The following UGT1A4 variants were observed in gnomAD, a reference collection of about 807,000 sequenced individuals.
The protein encoded by UGT1A4 is UDP glucuronosyltransferase family 1 member A4.
UGT1A4 carries 32 observed loss-of-function variants against 41.1 expected under a neutral mutation model. The ratio of observed to expected loss-of-function variants is 0.78; its 90% CI spans 0.59 to 1.05. The LOEUF (loss-of-function observed/expected upper bound fraction) is 1.05, where lower values mean the gene tolerates loss of function less well. UGT1A4 is among the 50% of genes least tolerant of loss of function. The pLI is 0.00. For missense variants in UGT1A4, 748 were observed against 677.4 expected (o/e 1.10, Z -1.16); for synonymous variants, 283 against 265.1 (o/e 1.07, Z -0.66).
chr2:233,719,788 G>A, intron 1 of UGT1A4, 101 bp downstream of exon 1: 1 of 1,609,458 alleles, frequency 6.2e-7, no homozygotes, highest in Non-Finnish European at 8.5e-7. Flanking sequence ...TCTTTCCAAA[G>A]ATTTTATTTT....
At chr2:233,766,480 T>C (rs1299744322) in intron 1 of UGT1A4, among the ~76,000 whole-genome samples, 1 of 152,128 alleles carries the variant, frequency 6.6e-6, no homozygotes, top group African/African-American at 2.4e-5. Flanking sequence ...AGGCACATGA[T>C]GGGGGCGTGG....
intron 1 of UGT1A4, among the ~76,000 whole-genome samples, chr2:233,766,177 G>A (rs937937765): frequency 5.3e-5 from 8 of 152,156 alleles, no homozygotes; most frequent in African/African-American, 1.9e-4. Context: ...AGGATTTATT[G>A]AGTGGATGTA....
chr2:233,760,681 CACA>C (rs1697528171), intron 1 of UGT1A4: 4 of 1,614,246 alleles, frequency 2.5e-6, no homozygotes, highest in East Asian at 2.2e-5. Context: ...CCACTTACTG[CACA>C]ACAAGGAGCT....
Position 233,719,410 on chromosome 2 carries a change from T to G in UGT1A4, c.590T>G (p.Leu197Ter). Residue 197 changes from leucine (L) to a stop codon, truncating the protein, a stop_gained, in exon 1 of 5, where the codon TTA becomes TGA. Coordinates refer to ENST00000373409, the MANE Select transcript of UGT1A4 (RefSeq NM_007120.3). LOFTEE classifies it high-confidence loss of function. ...AATCCTTCCTCCTATATTCCTAAGT[T>G]ACTAACGACCAATTCAGACCACATG... ...CPNPSSYIPK[L>*]LTTNSDHMTF... is the part of the protein sequence containing the mutation. The G allele has an allele frequency of 6.2e-7, 1 of 1,613,994 alleles. No individual in the cohort carries two copies. The highest frequency in any genetic ancestry group is 1.3e-5 in the African/African-American group (1 of 75,044).
Position 233,768,420 on chromosome 2 carries a change from G to A in UGT1A4, c.1288G>A (p.Ala430Thr). 6.2e-7 allele frequency: 1 copy of A among 1,614,048 alleles called. No homozygotes were observed. Among genetic ancestry groups the A allele is most frequent in the South Asian group, 1.1e-5 (1 of 91,078 alleles). Residue 430 changes from alanine (A) to threonine (T), a missense_variant, in exon 4 of 5, where the codon GCA becomes ACA. By Grantham distance (58) the Ala-to-Thr change is moderately conservative (BLOSUM62 0). Transcript: ENST00000373409. Reference protein sequence around the residue: ...TSEDLENALKAVINDKSYKEN... With the variant: ...TSEDLENALKTVINDKSYKEN... ...TGAAGATTTAGAAAATGCTCTAAAAGCAGTCATCAATGACAAAAGGTAAGA... is the reference window on the plus strand; with the variant it reads ...TGAAGATTTAGAAAATGCTCTAAAAACAGTCATCAATGACAAAAGGTAAGA...
rs1407521990 is a variant in UGT1A4 at position 233,743,186 on chromosome 2, A to T, written c.867+23499A>T. On this transcript the variant is annotated intron_variant, in intron 1 of 4. Coordinates refer to ENST00000373409, the MANE Select transcript of UGT1A4 (RefSeq NM_007120.3). ...GTGCTTAAAGTCAAATGTGGACTGG[A>T]ATTACTTGGTGTCAATGCGGAGTAA... 4.3e-5 allele frequency: 16 copies of T among 372,810 alleles called. No individual in the cohort carries two copies. The East Asian group carries it at 1.2e-3, about 27-fold the overall frequency. The allele number at this position is 372,810 out of a possible 1,614,324, so 23.1% of individuals were successfully genotyped here.
At chr2:233,736,824 C>G (rs1056780594) in intron 1 of UGT1A4, among the ~76,000 whole-genome samples, 5 of 152,198 alleles carry the variant, frequency 3.3e-5, no homozygotes, top group African/African-American at 1.2e-4. Flanking sequence ...TCCAGATGCT[C>G]TTTGCTTTGG....
At chr2:233,741,868 C>T (rs566953182) in intron 1 of UGT1A4, 3 of 152,000 alleles carry the variant, frequency 2.0e-5, no homozygotes, top group South Asian at 2.1e-4. Flanking sequence ...GCAAACCTTT[C>T]CTCAGAGGTG....
At chr2:233,759,674 A>G (rs1462532515) in intron 1 of UGT1A4, among the ~76,000 whole-genome samples, 1 of 125,012 alleles carries the variant, frequency 8.0e-6, no homozygotes, top group Admixed American at 1.1e-4. Flanking sequence ...TCATGTGTTT[A>G]AATTGTGAGT....
intron 1 of UGT1A4, among the ~76,000 whole-genome samples, chr2:233,735,018 T>G (rs1362396194): frequency 6.6e-6 from 1 of 152,220 alleles, no homozygotes; most frequent in Non-Finnish European, 1.5e-5. Flanking sequence ...GTTCTGTAGA[T>G]GTCTATTAGG....
chr2:233,768,119 T>G, intron 3 of UGT1A4, 101 bp from the exon 4 acceptor site: 4 of 1,600,008 alleles, frequency 2.5e-6, no homozygotes, highest in Non-Finnish European at 3.4e-6. Flanking sequence ...CAAGGGCATG[T>G]GAGTAACACT....
chr2:233,743,705 G>C (rs756391897), intron 1 of UGT1A4: 3 of 1,367,306 alleles, frequency 2.2e-6, no homozygotes, highest in South Asian at 1.1e-5. Flanking sequence ...CTCCGCCCCC[G>C]CCTCGCCATA....
intron 1 of UGT1A4, among the ~76,000 whole-genome samples, chr2:233,728,801 G>A (rs1420338275): frequency 4.1e-4 from 62 of 152,222 alleles, no homozygotes; most frequent in Admixed American, 4.1e-3. Context: ...CAGAGAAGTA[G>A]GAGACAGTGA....
intron 1 of UGT1A4, among the ~76,000 whole-genome samples, chr2:233,734,160 T>C (rs535251850): frequency 1.3e-5 from 2 of 152,268 alleles, no homozygotes; most frequent in Non-Finnish European, 2.9e-5. Context: ...GTCCTGGACT[T>C]TTTTTGGTTG....
chr2:233,763,101 G>A (rs911643886), intron 1 of UGT1A4, among the ~76,000 whole-genome samples: 8 of 152,178 alleles, frequency 5.3e-5, no homozygotes, highest in African/African-American at 1.7e-4. Context: ...GAGAGGCACC[G>A]AACTTTATCA....
At chr2:233,756,081 A>G (rs1239425363) in intron 1 of UGT1A4, 2 of 152,230 alleles carry the variant, frequency 1.3e-5, no homozygotes, top group South Asian at 2.1e-4. Context: ...ACAATGAGAA[A>G]ATCAAGTAAC....
At chr2:233,770,709 G>A (rs1700141819) in intron 4 of UGT1A4, 2 of 151,546 alleles carry the variant, frequency 1.3e-5, no homozygotes, top group East Asian at 3.9e-4. Context: ...TAAGGTTTAT[G>A]TAAAAGGAAG....
At chr2:233,738,846 A>G (rs1431495514) in intron 1 of UGT1A4, 1 of 152,252 alleles carries the variant, frequency 6.6e-6, no homozygotes, top group Admixed American at 6.5e-5. Context: ...AATGTTAATC[A>G]CCAAGACAAT....
Position 233,769,600 on chromosome 2 carries a change from G to C in UGT1A4, c.1307+1161G>C. ...GTTCAGATGAGAGGAGACGGAACAC[G>C]GGGACACACCAGCTTGAGCAAGGGA... is the stretch of plus-strand genomic sequence containing the variant. On this transcript the variant is annotated intron_variant, in intron 4 of 4. Coordinates refer to ENST00000373409, the MANE Select transcript of UGT1A4 (RefSeq NM_007120.3). The surrounding 1 kb of genome is among the most constrained non-coding windows in gnomAD (Gnocchi z 4.4). 6.2e-7 allele frequency: 1 copy of C among 1,612,786 alleles called. No individual in the cohort carries two copies. Among genetic ancestry groups the C allele is most frequent in the Non-Finnish European group, 8.5e-7 (1 of 1,179,854 alleles).
Sources: allele counts gnomAD v4.1 joint callset (sites outside exome capture counted in the v4.1 genomes callset), GRCh38; gene constraint gnomAD v4.1.1; non-coding constraint Gnocchi (gnomAD v3.1); transcripts MANE v1.5; gene names NCBI Gene and HGNC (gene_info 2026-07-23, HGNC 2026-07-21).